The following ACYP2 variants were observed in gnomAD, a reference collection of about 807,000 sequenced individuals.
The protein encoded by ACYP2 is acylphosphatase-2.
In ACYP2, 12 loss-of-function variants were observed where a neutral mutation model predicts 11.2. The ratio of observed to expected loss-of-function variants is 1.08; its 90% CI spans 0.69 to 1.74. ACYP2 has a LOEUF of 1.74. Ranked by LOEUF, ACYP2 falls within the 40% of genes most tolerant of loss-of-function variation. ACYP2 has a pLI of 0.00. For synonymous variants in ACYP2, 43 were observed against 32.2 expected (o/e 1.33, Z -1.13); for missense variants, 134 against 101.9 (o/e 1.31, Z -1.35).
intron 2 of ACYP2, chr2:53,975,447 C>G (rs1671424193): frequency 2.6e-6 from 1 of 391,220 alleles, no homozygotes; most frequent in African/African-American, 2.1e-5. Context: ...TTAGTGGAGA[C>G]AGTAACCCAA....
chr2:54,058,126 T>C (rs144400546), intron 4 of ACYP2, among the ~76,000 whole-genome samples: 42 of 152,232 alleles, frequency 2.8e-4, no homozygotes, highest in African/African-American at 9.9e-4. Context: ...TTAGTAAATA[T>C]TGGGTCTTTG....
intron 6 of ACYP2, among the ~76,000 whole-genome samples, chr2:54,275,123 A>G (rs768543433): frequency 2.3e-4 from 35 of 152,248 alleles, no homozygotes; most frequent in Admixed American, 5.9e-4. Context: ...AAATGCACCA[A>G]TAAATTTATT....
rs868017062 is a variant in ACYP2, at chr2:54,187,579, G to A, written c.404+48831G>A. Among the ~76,000 whole-genome samples, 3 of 152,238 alleles carry A rather than the reference G, an allele frequency of 2.0e-5. No individual in the cohort carries two copies. The South Asian group carries it at 6.2e-4, about 32-fold the overall frequency. ...GACCAGAGCAAATAGCAAGGTCCAG[G>A]GACATACATCAGGGCTGCCATGTGC... On this transcript the variant is annotated intron_variant, in intron 6 of 6. Coordinates refer to ENST00000607452, the MANE Select transcript of ACYP2 (RefSeq NM_001320586.2).
intron 3 of ACYP2, chr2:54,051,826 C>A: frequency 8.2e-6 from 3 of 364,476 alleles, no homozygotes; most frequent in Admixed American, 4.2e-5. Flanking sequence ...AGGAAAATCA[C>A]CTGAGGTCAG....
At chr2:54,245,281 A>G (rs889591996) in intron 6 of ACYP2, among the ~76,000 whole-genome samples, 1 of 152,014 alleles carries the variant, frequency 6.6e-6, no homozygotes, top group East Asian at 1.9e-4. Flanking sequence ...TCATTTATCT[A>G]TTGTTGGACA....
chr2:54,228,515 C>T (rs999966289), intron 6 of ACYP2, among the ~76,000 whole-genome samples: 4 of 152,114 alleles, frequency 2.6e-5, no homozygotes, highest in Non-Finnish European at 5.9e-5. Flanking sequence ...AACTTGACTT[C>T]AGAAACCATA....
intron 6 of ACYP2, among the ~76,000 whole-genome samples, chr2:54,158,282 T>C (rs1682531024): frequency 6.6e-6 from 1 of 151,572 alleles, no homozygotes; most frequent in African/African-American, 2.4e-5. Context: ...CCTCGGGTGA[T>C]CCACCTGCCT....
At chr2:54,060,464 T>G (rs767010705) in intron 4 of ACYP2, among the ~76,000 whole-genome samples, 8 of 152,176 alleles carry the variant, frequency 5.3e-5, no homozygotes, top group Non-Finnish European at 1.0e-4. Context: ...CAATTATAAT[T>G]TTAGTAAAGT....
chr2:54,280,638 A>C (rs1688807702), intron 6 of ACYP2, among the ~76,000 whole-genome samples: 1 of 152,204 alleles, frequency 6.6e-6, no homozygotes, highest in South Asian at 2.1e-4. Flanking sequence ...GGCAGAGAAA[A>C]GGAAAAATGT....
At position 54,268,917 on chromosome 2, in the gene ACYP2, T is replaced by C. The variant is rs146793452; in HGVS notation, c.405-35771T>C. Among the ~76,000 whole-genome samples the C allele has an allele frequency of 3.0e-3, 452 of 152,342 alleles. 3 individuals are homozygous for C. Among genetic ancestry groups the C allele is most frequent in the African/African-American group, 0.01 (420 of 41,574 alleles). ...CATAACCTGAGAGTTTACAATGTTA[T>C]AAGTAGGTAACACATTAAGCACATT... On this transcript the variant is annotated intron_variant, in intron 6 of 6. Coordinates refer to ENST00000607452, the MANE Select transcript of ACYP2 (RefSeq NM_001320586.2).
chr2:53,973,427 C>CA (rs568058656), intron 1 of ACYP2, among the ~76,000 whole-genome samples: 7 of 152,028 alleles, frequency 4.6e-5, no homozygotes, highest in South Asian at 4.1e-4. Flanking sequence ...TGAAGATCCA[C>CA]AAAAAAAGTG....
At chr2:54,111,926 C>T (rs190427484) in intron 4 of ACYP2, among the ~76,000 whole-genome samples, 3 of 152,244 alleles carry the variant, frequency 2.0e-5, no homozygotes, top group Admixed American at 6.5e-5. Flanking sequence ...GAGTTACAGG[C>T]GGTACCTCCT....
intron 6 of ACYP2, among the ~76,000 whole-genome samples, chr2:54,257,552 G>T (rs1183956677): frequency 6.6e-6 from 1 of 152,096 alleles, no homozygotes; most frequent in African/African-American, 2.4e-5. Flanking sequence ...AAAATAATTT[G>T]AGAAATATAT....
chr2:54,138,218 T>C (rs528564070), intron 5 of ACYP2, among the ~76,000 whole-genome samples: 37 of 152,322 alleles, frequency 2.4e-4, no homozygotes, highest in Admixed American at 2.0e-4. Context: ...ATACTCTATG[T>C]TGATCATAAT....
At chr2:54,276,219 G>GC (rs1019062379) in intron 6 of ACYP2, among the ~76,000 whole-genome samples, 9 of 148,428 alleles carry the variant, frequency 6.1e-5, no homozygotes, top group African/African-American at 2.0e-4. Context: ...AGCAAGCTGT[G>GC]CAAGACCCTT....
intron 6 of ACYP2, among the ~76,000 whole-genome samples, chr2:54,283,097 T>C (rs1688916458): frequency 6.6e-6 from 1 of 152,238 alleles, no homozygotes; most frequent in South Asian, 2.1e-4. Context: ...AATTCAGTGA[T>C]TTATGACACA....
At chr2:54,159,048 G>T (rs1478997243) in intron 6 of ACYP2, among the ~76,000 whole-genome samples, 4 of 151,698 alleles carry the variant, frequency 2.6e-5, no homozygotes, top group African/African-American at 7.3e-5. Flanking sequence ...TCTCTATATA[G>T]TATATAGGCT....
chr2:54,276,662 C>A (rs73930585), intron 6 of ACYP2, among the ~76,000 whole-genome samples: 148 of 132,224 alleles, frequency 1.1e-3, no homozygotes, highest in East Asian at 5.3e-3. Context: ...CACACACACA[C>A]CACACACAAG....
intron 4 of ACYP2, among the ~76,000 whole-genome samples, chr2:54,061,202 G>T (rs572830328): frequency 6.6e-6 from 1 of 152,178 alleles, no homozygotes; most frequent in South Asian, 2.1e-4. Context: ...TTTTATTTTG[G>T]CAATCCAACT....
Sources: gnomAD v4.1 joint callset for allele counts (sites outside exome capture counted in the v4.1 genomes callset) on GRCh38, gnomAD v4.1.1 for gene constraint, MANE v1.5 for transcripts, NCBI Gene and HGNC (gene_info 2026-07-23, HGNC 2026-07-21) for gene names.